Variants in RBFOX1 observed in about 807,000 individuals in gnomAD.
RBFOX1 encodes RNA binding fox-1 homolog 1, also known as RNA binding protein fox-1 homolog 1.
A neutral mutation model predicts 57.7 loss-of-function variants in RBFOX1; 8 were observed. The observed-to-expected ratio is 0.14, with a 90% CI of 0.08 to 0.25. The LOEUF is 0.25. Ranked by LOEUF, RBFOX1 falls within the 10% of genes least tolerant of loss-of-function variation. RBFOX1 has a pLI of 1.00. For missense variants in RBFOX1, 611 were observed against 548.5 expected, an observed-to-expected ratio of 1.11 and a Z score of -1.14; for synonymous variants, 326 against 222.4, an observed-to-expected ratio of 1.47 and a Z score of -4.15.
At chr16:5,423,023 AGGAAGGG>A (rs2067399288) in intron 1 of RBFOX1, among the ~76,000 whole-genome samples, 1 of 64,984 alleles carries the variant, frequency 1.5e-5, no homozygotes, top group African/African-American at 6.4e-5. Flanking sequence ...AAGGAGAGGG[AGGAAGGG>A]GAGGGAGGAG....
At chr16:6,740,810 A>G (rs1360626407) in intron 3 of RBFOX1, among the ~76,000 whole-genome samples, 1 of 152,228 alleles carries the variant, frequency 6.6e-6, no homozygotes, top group African/African-American at 2.4e-5. Context: ...TGATACACAG[A>G]GGTAATGCAA....
intron 2 of RBFOX1, among the ~76,000 whole-genome samples, chr16:6,413,983 T>C (rs1192377515): frequency 6.6e-6 from 1 of 152,144 alleles, no homozygotes; most frequent in Non-Finnish European, 1.5e-5. Flanking sequence ...ACATATTCTA[T>C]AGGTGCACAT....
chr16:6,761,758 GC>G (rs34145548), intron 3 of RBFOX1, among the ~76,000 whole-genome samples: 6 of 151,704 alleles, frequency 4.0e-5, no homozygotes, highest in African/African-American at 1.5e-4. Context: ...ACCTGCCTCG[GC>G]CCCCTAAAGT....
At chr16:6,900,615 C>T (rs900853631) in intron 3 of RBFOX1, among the ~76,000 whole-genome samples, 1 of 152,184 alleles carries the variant, frequency 6.6e-6, no homozygotes, top group Non-Finnish European at 1.5e-5. Context: ...AGTGTCACAG[C>T]AGATGCTATT....
chr16:7,669,362 G>C lies in RBFOX1; in HGVS notation c.930+4394G>C, dbSNP rs139148191. ...TAACTATTAATATTACAAATGAAAA[G>C]AGGGAGAGAAAGAAATTATAATGAA... On this transcript the variant is annotated intron_variant, in intron 13 of 15. Coordinates refer to ENST00000550418, the MANE Select transcript of RBFOX1 (RefSeq NM_018723.4). 1.3e-3 allele frequency among the ~76,000 whole-genome samples: 199 copies of C among 152,288 alleles called. 1 individual carries two copies. Among genetic ancestry groups the C allele is most frequent in the Non-Finnish European group, 2.5e-3 (167 of 68,020 alleles).
intron 1 of RBFOX1, among the ~76,000 whole-genome samples, chr16:6,195,279 T>G (rs890636266): frequency 1.3e-5 from 2 of 152,228 alleles, no homozygotes; most frequent in Admixed American, 1.3e-4. Context: ...GCCAGTCTTA[T>G]TATAGCATTT....
intron 4 of RBFOX1, among the ~76,000 whole-genome samples, chr16:7,174,558 A>G (rs755362921): frequency 5.3e-5 from 8 of 152,310 alleles, no homozygotes; most frequent in East Asian, 1.9e-4. Flanking sequence ...AGGCAGGCCA[A>G]TCACTTGAGG....
chr16:6,668,195 C>G (rs2098744244), intron 3 of RBFOX1, among the ~76,000 whole-genome samples: 1 of 152,144 alleles, frequency 6.6e-6, no homozygotes, highest in South Asian at 2.1e-4. Context: ...CAGATTGAAT[C>G]TCTGGTGTCA....
At chr16:6,390,574 A>G (rs1567176917) in intron 2 of RBFOX1, among the ~76,000 whole-genome samples, 1 of 152,146 alleles carries the variant, frequency 6.6e-6, no homozygotes, top group African/African-American at 2.4e-5. Flanking sequence ...AGCATGGAAG[A>G]AACATATCAG....
At chr16:5,587,891 CATG>C (rs1401446147) in intron 2 of RBFOX1, among the ~76,000 whole-genome samples, 1 of 152,174 alleles carries the variant, frequency 6.6e-6, no homozygotes, top group African/African-American at 2.4e-5. Flanking sequence ...CCTATGTCCT[CATG>C]ATAACGTGTG....
intron 10 of RBFOX1, among the ~76,000 whole-genome samples, chr16:7,620,429 C>G (rs932662390): frequency 2.6e-5 from 4 of 152,208 alleles, no homozygotes; most frequent in African/African-American, 9.6e-5. Flanking sequence ...CTATAGAAAT[C>G]TCAGACGTTC....
intron 1 of RBFOX1, among the ~76,000 whole-genome samples, chr16:6,035,850 C>T (rs978979109): frequency 3.3e-5 from 5 of 152,160 alleles, no homozygotes; most frequent in African/African-American, 1.2e-4. Context: ...GCAAGCTTAT[C>T]ATGAGGTATT....
At chr16:7,363,316 C>T (rs767111448) in intron 4 of RBFOX1, among the ~76,000 whole-genome samples, 19 of 152,144 alleles carry the variant, frequency 1.2e-4, no homozygotes, top group Non-Finnish European at 2.6e-4. Flanking sequence ...CATCTAACTA[C>T]TTGTGTGTTA....
intron 4 of RBFOX1, among the ~76,000 whole-genome samples, chr16:7,307,824 C>A (rs1568134348): frequency 6.6e-6 from 1 of 152,168 alleles, no homozygotes; most frequent in African/African-American, 2.4e-5. Flanking sequence ...GACAAGTAGT[C>A]CTTGGAGCAA....
chr16:7,616,335 G>T (rs1029649333), intron 10 of RBFOX1, among the ~76,000 whole-genome samples: 20 of 152,216 alleles, frequency 1.3e-4, no homozygotes, highest in Admixed American at 1.1e-3. Context: ...AATGGCATGT[G>T]ACAGCACAGG....
intron 3 of RBFOX1, among the ~76,000 whole-genome samples, chr16:7,015,483 C>G (rs1442490802): frequency 6.6e-6 from 1 of 152,136 alleles, no homozygotes; most frequent in Non-Finnish European, 1.5e-5. Context: ...AGTGTTCAGA[C>G]AGAGGCTGGG....
intron 3 of RBFOX1, among the ~76,000 whole-genome samples, chr16:6,806,817 A>AATATATAAATATATAAATATAT (rs1366370826): frequency 4.7e-5 from 4 of 85,134 alleles, no homozygotes; most frequent in African/African-American, 1.8e-4. Flanking sequence ...TAAATATATA[A>AATATATAAATATATAAATATAT]ATATATATAT....
intron 3 of RBFOX1, among the ~76,000 whole-genome samples, chr16:6,660,657 G>A (rs1398948338): frequency 2.0e-5 from 3 of 152,118 alleles, no homozygotes; most frequent in African/African-American, 7.2e-5. Context: ...AATTGGGAGT[G>A]ATACAATCTG....
downstream of RBFOX1, among the ~76,000 whole-genome samples, chr16:5,604,055 A>G (rs1237103123): frequency 1.3e-5 from 2 of 152,144 alleles, no homozygotes; most frequent in Non-Finnish European, 2.9e-5. Context: ...GACATTACTA[A>G]TCAATGGTGT....
Sources: allele counts gnomAD v4.1 joint callset (sites outside exome capture counted in the v4.1 genomes callset), GRCh38; gene constraint gnomAD v4.1.1; transcripts MANE v1.5; gene names NCBI Gene and HGNC (gene_info 2026-07-23, HGNC 2026-07-21).